Variants in DLG1 observed in about 807,000 individuals in gnomAD.
DLG1 encodes the protein discs large MAGUK scaffold protein 1.
A neutral mutation model predicts 123.4 loss-of-function variants in DLG1; 42 were observed. That is an observed-to-expected ratio of 0.34 (90% confidence interval 0.27 to 0.44). The LOEUF (loss-of-function observed/expected upper bound fraction) is 0.44. DLG1 is among the 20% of genes least tolerant of loss of function. The probability of loss-of-function intolerance (pLI) is 1.00; values close to 1 mark genes in which losing one functional copy is unlikely to be tolerated. For missense variants in DLG1, 942 were observed against 1,082.6 expected, an observed-to-expected ratio of 0.87 and a Z score of 1.82; for synonymous variants, 317 against 356.2, an observed-to-expected ratio of 0.89 and a Z score of 1.24.
chr3:197,183,029 A>T (rs2150150696), intron 5 of DLG1, among the ~76,000 whole-genome samples: 1 of 152,326 alleles, frequency 6.6e-6, no homozygotes, highest in African/African-American at 2.4e-5. Flanking sequence ...AATAATATTT[A>T]CAAAAAACGA....
At chr3:197,201,802 C>T (rs1002441325) in intron 4 of DLG1, among the ~76,000 whole-genome samples, 1 of 151,900 alleles carries the variant, frequency 6.6e-6, no homozygotes. Context: ...TCATTTTTCA[C>T]AGAAGCAGAA....
At position 197,256,311 on chromosome 3, in the gene DLG1, G is replaced by A. The variant is rs1456866734; in HGVS notation, c.318+26368C>T. On this transcript the variant is annotated intron_variant, in intron 4 of 24. Coordinates refer to ENST00000667157, the MANE Select transcript of DLG1 (RefSeq NM_001366207.1). ...CTGTAGCACTAAAGCAGCCATACAA[G>A]GTAAGTAAATGAGTGAGTGTGGCCC... Among the ~76,000 whole-genome samples, 3 of 152,268 alleles carry A rather than the reference G, an allele frequency of 2.0e-5. 1 individual carries two copies. The highest frequency in any genetic ancestry group is 3.8e-4 in the East Asian group (2 of 5,202).
At chr3:197,256,542 T>C (rs1379178893) in intron 4 of DLG1, among the ~76,000 whole-genome samples, 1 of 152,266 alleles carries the variant, frequency 6.6e-6, no homozygotes, top group Non-Finnish European at 1.5e-5. Flanking sequence ...TCAACAGTAC[T>C]ACTTTTTAAA....
intron 17 of DLG1, among the ~76,000 whole-genome samples, chr3:197,080,212 T>G (rs1749998153): frequency 6.8e-6 from 1 of 146,766 alleles, no homozygotes; most frequent in African/African-American, 2.5e-5. Flanking sequence ...GGACTTAAAG[T>G]GAAGGAAAAA....
At chr3:197,154,073 C>T (rs958020008) in intron 5 of DLG1, among the ~76,000 whole-genome samples, 1 of 151,676 alleles carries the variant, frequency 6.6e-6, no homozygotes. Context: ...GAGGCTGAGG[C>T]GGGCAGATCA....
chr3:197,289,030 T>C (rs1403500870), intron 3 of DLG1, among the ~76,000 whole-genome samples: 2 of 152,224 alleles, frequency 1.3e-5, no homozygotes, highest in African/African-American at 4.8e-5. Context: ...CTTCTTGCTA[T>C]ATCTCACTGT....
chr3:197,118,568 A>G (rs891336382), intron 12 of DLG1, among the ~76,000 whole-genome samples: 2 of 152,234 alleles, frequency 1.3e-5, no homozygotes, highest in African/African-American at 4.8e-5. Context: ...TGTAATCAAT[A>G]AACGTTAAGA....
intron 5 of DLG1, among the ~76,000 whole-genome samples, chr3:197,162,519 TA>T (rs1341139812): frequency 1.3e-5 from 2 of 151,916 alleles, no homozygotes. Context: ...ATTGCCAGAC[TA>T]AAAAAAGGGC....
chr3:197,297,358 CAAAG>C, intron 1 of DLG1, 123 bp from the exon 2 acceptor site: 5 of 1,476,076 alleles, frequency 3.4e-6, no homozygotes, highest in Non-Finnish European at 3.6e-6. Context: ...TTTACCAAGT[CAAAG>C]AAAGAGTCTC....
chr3:197,214,439 G>C (rs1436984102), intron 4 of DLG1, among the ~76,000 whole-genome samples: 2 of 152,060 alleles, frequency 1.3e-5, no homozygotes, highest in African/African-American at 4.8e-5. Flanking sequence ...CGGGCGTGGT[G>C]GTGGGCGCCT....
At chr3:197,294,949 T>C (rs1776711382) in intron 3 of DLG1, among the ~76,000 whole-genome samples, 1 of 152,158 alleles carries the variant, frequency 6.6e-6, no homozygotes, top group Non-Finnish European at 1.5e-5. Context: ...AAAAACATAC[T>C]TTTTTTGCAA....
intron 13 of DLG1, among the ~76,000 whole-genome samples, chr3:197,112,690 A>C (rs2149375407): frequency 6.6e-6 from 1 of 152,032 alleles, no homozygotes; most frequent in Admixed American, 6.6e-5. Context: ...ACCTAAGCTC[A>C]AGTGATCCTC....
intron 1 of DLG1, chr3:197,297,440 A>C (rs189500162): frequency 7.2e-7 from 1 of 1,389,740 alleles, no homozygotes; most frequent in East Asian, 2.7e-5. Context: ...CAAATTAAGA[A>C]CAGACAGAAG....
chr3:197,119,443 G>C lies in DLG1; in HGVS notation c.1253C>G (p.Ser418Cys), dbSNP rs898564562. 5 of 1,610,248 alleles carry C rather than the reference G, an allele frequency of 3.1e-6. No homozygotes were observed. The African/African-American group carries it at 5.3e-5, about 17-fold the overall frequency. Residue 418 changes from serine to cysteine, a missense_variant, in exon 12 of 25, where the codon TCT becomes TGT. Transcript: ENST00000667157. The part of the protein sequence containing the change: ...PASPARYSPV[S>C]KAVLGDDEIT... ...TTCATCATCTCCAAGTACTGCTTTA[G>C]AAACTGGGGAGTATCTGGCTGGAGA...
At chr3:197,230,615 T>C (rs1742432427) in intron 4 of DLG1, among the ~76,000 whole-genome samples, 1 of 152,222 alleles carries the variant, frequency 6.6e-6, no homozygotes, top group African/African-American at 2.4e-5. Flanking sequence ...GTGTTGTGCT[T>C]TTCTTTTTTA....
At chr3:197,091,447 G>C (rs2149180011) in intron 14 of DLG1, among the ~76,000 whole-genome samples, 2 of 151,702 alleles carry the variant, frequency 1.3e-5, no homozygotes, top group East Asian at 3.9e-4. Context: ...TTTTCCCCTT[G>C]AGACAATCAG....
chr3:197,106,236 T>C lies in DLG1; in HGVS notation c.1444-1231A>G, dbSNP rs112963868. Among the ~76,000 whole-genome samples, 1,314 of 152,188 alleles carry C rather than the reference T, an allele frequency of 8.6e-3. 15 individuals are homozygous for C. The highest frequency in any genetic ancestry group is 0.029 in the African/African-American group (1,200 of 41,528). On this transcript the variant is annotated intron_variant, in intron 13 of 24. Coordinates refer to ENST00000667157, the MANE Select transcript of DLG1 (RefSeq NM_001366207.1). ...GCCTGGCCAACATGGCAAACACCTGTCTCTACTAAAAATACAAAAATTAGC... is the reference window on the plus strand; with the variant it reads ...GCCTGGCCAACATGGCAAACACCTGCCTCTACTAAAAATACAAAAATTAGC...
chr3:197,289,128 T>C (rs1461339957), intron 3 of DLG1, among the ~76,000 whole-genome samples: 1 of 152,242 alleles, frequency 6.6e-6, no homozygotes, highest in African/African-American at 2.4e-5. Context: ...GAAGAAATCA[T>C]TCCTTTCCAC....
rs1765541304 is a variant in DLG1, at chr3:197,104,905, T to C, written c.1544A>G (p.Glu515Gly). 6.2e-7 allele frequency: 1 copy of C among 1,604,294 alleles called. No homozygotes were observed. The highest frequency in any genetic ancestry group is 1.1e-5 in the South Asian group (1 of 90,348). Residue 515 changes from glutamate (E) to glycine (G), a missense_variant and splice_region_variant, in exon 14 of 25, where the codon GAA (glutamate) becomes GGA (glycine). By Grantham distance (98) the Glu-to-Gly change is moderately conservative (BLOSUM62 -2). Transcript: ENST00000667157. ...ATAGACAATAAGAATGTTATTACCTTCAGGTCGATATTGTGCAACAATTGT... is the reference window on the plus strand; with the variant it reads ...ATAGACAATAAGAATGTTATTACCTCCAGGTCGATATTGTGCAACAATTGT... ...AVTIVAQYRPEEYSRFEAKIH... is the reference protein window; with the variant it reads ...AVTIVAQYRPGEYSRFEAKIH...
Sources: gnomAD v4.1 joint callset for allele counts (sites outside exome capture counted in the v4.1 genomes callset) on GRCh38, gnomAD v4.1.1 for gene constraint, MANE v1.5 for transcripts, NCBI Gene and HGNC (gene_info 2026-07-23, HGNC 2026-07-21) for gene names.